DNAJC5B: variants seen among roughly 807,000 people sequenced by gnomAD.
The protein encoded by DNAJC5B is DnaJ heat shock protein family (Hsp40) member C5 beta.
In DNAJC5B, 23 loss-of-function variants were observed where a neutral mutation model predicts 24.7. That is an observed-to-expected ratio of 0.93 (90% confidence interval 0.67 to 1.32). The LOEUF (loss-of-function observed/expected upper bound fraction) is 1.32, where lower values mean the gene tolerates loss of function less well. Among genes scored for constraint, DNAJC5B ranks in the 40% most tolerant of loss-of-function variants. The pLI is 0.00. For synonymous variants in DNAJC5B, 101 were observed against 90.1 expected (o/e 1.12, Z -0.68); for missense variants, 238 against 240.8 (o/e 0.99, Z 0.08).
At chr8:66,020,772 G>A (rs1245749479), upstream of DNAJC5B, among the ~76,000 whole-genome samples, 2 of 152,034 alleles carry the variant, frequency 1.3e-5, no homozygotes, top group East Asian at 3.8e-4. Flanking sequence ...TGAGTAGTTA[G>A]AACTACAGGC....
At chr8:66,040,748 G>A (rs75255443) in intron 1 of DNAJC5B, among the ~76,000 whole-genome samples, 4 of 152,278 alleles carry the variant, frequency 2.6e-5, no homozygotes, top group South Asian at 4.1e-4. Flanking sequence ...GGCCCTGGGC[G>A]TCAGAATTCT....
upstream of DNAJC5B, among the ~76,000 whole-genome samples, chr8:66,020,643 TG>T (rs1806091851): frequency 6.9e-6 from 1 of 144,710 alleles, no homozygotes; most frequent in Non-Finnish European, 1.5e-5. Flanking sequence ...TGTGTGTGTG[TG>T]TGTGTGTGTT....
chr8:66,088,022 C>T (rs1296142065), intron 5 of DNAJC5B, among the ~76,000 whole-genome samples: 1 of 152,238 alleles, frequency 6.6e-6, no homozygotes, highest in East Asian at 1.9e-4. Context: ...TTCCCTTCTG[C>T]ATTGCCCCAG....
At chr8:66,041,266 A>G (rs569937274) in intron 1 of DNAJC5B, among the ~76,000 whole-genome samples, 42 of 152,344 alleles carry the variant, frequency 2.8e-4, no homozygotes, top group African/African-American at 9.6e-4. Context: ...TGCACATCAC[A>G]TGTTCGAAAC....
At chr8:66,023,834 G>T (rs1429129097) in intron 1 of DNAJC5B, among the ~76,000 whole-genome samples, 1 of 152,068 alleles carries the variant, frequency 6.6e-6, no homozygotes, top group Non-Finnish European at 1.5e-5. Flanking sequence ...ACTTGTCCAG[G>T]GTTTGACATA....
intron 1 of DNAJC5B, among the ~76,000 whole-genome samples, chr8:66,032,473 T>A (rs1806380250): frequency 6.6e-6 from 1 of 152,224 alleles, no homozygotes; most frequent in Non-Finnish European, 1.5e-5. Context: ...TTCACAACAT[T>A]TCTGTTCTTC....
chr8:66,049,896 C>T (rs1376057115), intron 2 of DNAJC5B, among the ~76,000 whole-genome samples: 1 of 152,170 alleles, frequency 6.6e-6, no homozygotes, highest in African/African-American at 2.4e-5. Context: ...GTCATGACAT[C>T]TCTTTTATTT....
At chr8:66,037,069 T>A (rs1251241547) in intron 1 of DNAJC5B, among the ~76,000 whole-genome samples, 1 of 152,170 alleles carries the variant, frequency 6.6e-6, no homozygotes, top group African/African-American at 2.4e-5. Context: ...GTTGTTCCAC[T>A]TAGCATCTGG....
At chr8:66,037,433 G>C (rs1038971064) in intron 1 of DNAJC5B, among the ~76,000 whole-genome samples, 1 of 152,178 alleles carries the variant, frequency 6.6e-6, no homozygotes, top group African/African-American at 2.4e-5. Flanking sequence ...CCTGGGAGGA[G>C]AGACCACGTG....
intron 1 of DNAJC5B, among the ~76,000 whole-genome samples, chr8:66,038,456 CCAAA>C (rs1373205852): frequency 8.5e-5 from 13 of 152,156 alleles, no homozygotes; most frequent in Non-Finnish European, 1.9e-4. Flanking sequence ...TTTACCATCA[CCAAA>C]CAAATAGGAT....
chr8:66,046,451 G>C (rs1417767603), intron 2 of DNAJC5B, among the ~76,000 whole-genome samples: 1 of 152,204 alleles, frequency 6.6e-6, no homozygotes, highest in Admixed American at 6.5e-5. Context: ...CAGAGTTCTT[G>C]TGAGGATTAG....
chr8:66,057,506 G>T (rs1347630183), intron 3 of DNAJC5B: 1 of 152,178 alleles, frequency 6.6e-6, no homozygotes, highest in Non-Finnish European at 1.5e-5. Flanking sequence ...GGGACTAAAA[G>T]AGTACTAAAA....
intron 3 of DNAJC5B, among the ~76,000 whole-genome samples, chr8:66,072,608 C>T (rs532767891): frequency 2.0e-5 from 3 of 152,106 alleles, no homozygotes; most frequent in South Asian, 4.1e-4. Context: ...GGAAATTTTC[C>T]GTATGTTTGA....
rs199984647 is a variant in DNAJC5B at position 66,058,899 on chromosome 8, C to CT, written c.119+7242dup. Among the ~76,000 whole-genome samples the CT allele has an allele frequency of 2.9e-3, 444 of 151,602 alleles. 4 individuals are homozygous for CT. The highest frequency in any genetic ancestry group is 9.4e-3 in the African/African-American group (387 of 41,344). ...GACATTTTGTGAAGAGAAATGAGATCTTTTTTTTTCAAGGGATGCCAAGCT... is the reference window on the plus strand; with the variant it reads ...GACATTTTGTGAAGAGAAATGAGATCTTTTTTTTTTCAAGGGATGCCAAGCT... On this transcript the variant is annotated intron_variant, in intron 3 of 5. Transcript: ENST00000276570.
intron 5 of DNAJC5B, among the ~76,000 whole-genome samples, chr8:66,083,136 C>A (rs150243405): frequency 6.6e-6 from 1 of 151,264 alleles, no homozygotes; most frequent in Non-Finnish European, 1.5e-5. Flanking sequence ...CTCAGCCTCC[C>A]GAGTAGATGG....
At chr8:66,058,098 T>G (rs371845318) in intron 3 of DNAJC5B, 59 of 152,378 alleles carry the variant, frequency 3.9e-4, no homozygotes, top group African/African-American at 1.3e-3. Context: ...AGCCTGTACT[T>G]TGTATTCCCT....
At chr8:66,047,291 G>A (rs1806742235) in intron 2 of DNAJC5B, among the ~76,000 whole-genome samples, 1 of 152,332 alleles carries the variant, frequency 6.6e-6, no homozygotes, top group East Asian at 1.9e-4. Flanking sequence ...GGCCCAGCCA[G>A]CATTGGCCTC....
chr8:66,036,180 C>T (rs1226835449), intron 1 of DNAJC5B, among the ~76,000 whole-genome samples: 1 of 152,222 alleles, frequency 6.6e-6, no homozygotes, highest in Non-Finnish European at 1.5e-5. Flanking sequence ...TGGAGGACAT[C>T]TCTTAGCCTT....
In DNAJC5B at chr8:66,045,511, C is replaced by G. The variant is rs542373137; in HGVS notation, c.-18+1900C>G. ...TATAAACCAAAGAATTAGCTAGCTACTGTGTCTTCCCGGGTGTGAGTTTTT... is the reference window on the plus strand; with the variant it reads ...TATAAACCAAAGAATTAGCTAGCTAGTGTGTCTTCCCGGGTGTGAGTTTTT... On this transcript the variant is annotated intron_variant, in intron 2 of 5. Transcript: ENST00000276570. 2.6e-5 allele frequency among the ~76,000 whole-genome samples: 4 copies of G among 152,262 alleles called. No individual in the cohort carries two copies. The South Asian group carries it at 8.3e-4, about 32-fold the overall frequency.
Sources: gnomAD v4.1 joint callset for allele counts (sites outside exome capture counted in the v4.1 genomes callset) on GRCh38, gnomAD v4.1.1 for gene constraint, MANE v1.5 for transcripts, NCBI Gene and HGNC (gene_info 2026-07-23, HGNC 2026-07-21) for gene names.